The following ATAD1 variants were observed in gnomAD, a reference collection of about 807,000 sequenced individuals.
ATAD1 encodes the protein ATPase family AAA domain containing 1, also known as outer mitochondrial transmembrane helix translocase.
ATAD1 carries 18 observed loss-of-function variants against 42.7 expected under a neutral mutation model. The ratio of observed to expected loss-of-function variants is 0.42; its 90% CI spans 0.29 to 0.63. ATAD1 has a LOEUF of 0.63. Ranked by LOEUF, ATAD1 falls within the 20% of genes least tolerant of loss-of-function variation. The pLI is 0.19. For synonymous variants in ATAD1, 132 were observed against 143.1 expected (o/e 0.92, Z 0.55); for missense variants, 294 against 440.4 (o/e 0.67, Z 2.98).
At chr10:87,812,995 T>C (rs753950422) in intron 2 of ATAD1, among the ~76,000 whole-genome samples, 42 of 152,214 alleles carry the variant, frequency 2.8e-4, no homozygotes, top group Admixed American at 8.5e-4. Flanking sequence ...ATTTATATTA[T>C]CATGAACAAG....
At chr10:87,771,610 AT>A (rs563867725) in intron 6 of ATAD1, among the ~76,000 whole-genome samples, 32 of 152,326 alleles carry the variant, frequency 2.1e-4, no homozygotes, top group South Asian at 6.2e-4. Flanking sequence ...TCAATGCGAA[AT>A]AAAGTCTCAA....
upstream of ATAD1, among the ~76,000 whole-genome samples, chr10:87,821,790 A>C (rs1265032079): frequency 6.6e-6 from 1 of 152,250 alleles, no homozygotes; most frequent in East Asian, 1.9e-4. Context: ...CCCACCCTCC[A>C]GAACTGGGAG....
intron 8 of ATAD1, among the ~76,000 whole-genome samples, chr10:87,757,553 G>A (rs1854281229): frequency 6.6e-6 from 1 of 152,128 alleles, no homozygotes; most frequent in South Asian, 2.1e-4. Context: ...CACTTTGCAT[G>A]TATTATTCTC....
At chr10:87,757,948 A>T (rs558811425) in intron 8 of ATAD1, among the ~76,000 whole-genome samples, 1 of 152,224 alleles carries the variant, frequency 6.6e-6, no homozygotes, top group Non-Finnish European at 1.5e-5. Flanking sequence ...TTACATGAAG[A>T]TAAATCATGT....
intron 1 of ATAD1, among the ~76,000 whole-genome samples, chr10:87,833,656 A>ATT (rs34393674): frequency 7.2e-5 from 10 of 138,226 alleles, no homozygotes; most frequent in Admixed American, 3.5e-4. Context: ...TCTGCTGAGA[A>ATT]TTTTTTTTTT....
chr10:87,762,561 T>C (rs1262552813), intron 8 of ATAD1, among the ~76,000 whole-genome samples: 2 of 150,286 alleles, frequency 1.3e-5, no homozygotes, highest in African/African-American at 4.9e-5. Context: ...GCCTCCGGGG[T>C]TCAAGTGATT....
chr10:87,813,121 T>C (rs977858177), intron 2 of ATAD1, among the ~76,000 whole-genome samples: 1 of 152,202 alleles, frequency 6.6e-6, no homozygotes, highest in African/African-American at 2.4e-5. Context: ...GTACTTAGCA[T>C]CTATATTTAG....
At chr10:87,777,986 C>T (rs922500133) in intron 5 of ATAD1, among the ~76,000 whole-genome samples, 59 of 151,896 alleles carry the variant, frequency 3.9e-4, no homozygotes, top group African/African-American at 1.4e-3. Context: ...TTTAAAACTG[C>T]CTAATTTTTA....
At chr10:87,828,852 G>A (rs1288493058) in intron 1 of ATAD1, among the ~76,000 whole-genome samples, 1 of 152,142 alleles carries the variant, frequency 6.6e-6, no homozygotes, top group Admixed American at 6.5e-5. Context: ...TATCTACTCT[G>A]CCTGTGCTTT....
At chr10:87,818,134 T>C (rs1857516429) in intron 1 of ATAD1, 33 bp downstream of exon 1, 1 of 985,288 alleles carries the variant, frequency 1.0e-6, no homozygotes, top group African/African-American at 1.7e-5. Context: ...ACGACAACCA[T>C]CCCATGAGGC....
intron 8 of ATAD1, among the ~76,000 whole-genome samples, chr10:87,763,293 C>G (rs1854584137): frequency 6.6e-6 from 1 of 151,964 alleles, no homozygotes; most frequent in Non-Finnish European, 1.5e-5. Flanking sequence ...GATTCATAAC[C>G]ACTGATCCTA....
At chr10:87,792,623 T>TAAAAAATATTAAATATA in intron 3 of ATAD1, 34 bp downstream of exon 3, 2 of 806,070 alleles carry the variant, frequency 2.5e-6, no homozygotes, top group Non-Finnish European at 2.0e-6. Context: ...CCCCCACCTC[T>TAAAAAATATTAAATATA]AAAAAAATCT....
intron 2 of ATAD1, among the ~76,000 whole-genome samples, chr10:87,797,892 T>C (rs556141305): frequency 3.9e-5 from 6 of 152,286 alleles, no homozygotes; most frequent in Admixed American, 1.3e-4. Context: ...ACTGAACTGT[T>C]GTTTTTGCAG....
At chr10:87,781,555 AAAAAC>A (rs1855558904) in intron 5 of ATAD1, among the ~76,000 whole-genome samples, 1 of 152,248 alleles carries the variant, frequency 6.6e-6, no homozygotes, top group African/African-American at 2.4e-5. Context: ...TTAAAATGTA[AAAAAC>A]AAAACAGTAT....
intron 4 of ATAD1, among the ~76,000 whole-genome samples, 172 bp from the exon 5 acceptor site, chr10:87,784,842 AAGCTC>A (rs1479107621): frequency 6.6e-6 from 1 of 152,224 alleles, no homozygotes; most frequent in African/African-American, 2.4e-5. Flanking sequence ...GCCATGTTCT[AAGCTC>A]AGTGTCAGTT....
chr10:87,830,862 A>G (rs923023679), intron 1 of ATAD1, among the ~76,000 whole-genome samples: 3 of 152,178 alleles, frequency 2.0e-5, no homozygotes, highest in African/African-American at 7.2e-5. Flanking sequence ...AGTGCATAGA[A>G]ATGGCTAGGG....
chr10:87,814,088 A>G lies in ATAD1; in HGVS notation c.162+350T>C, dbSNP rs1857306454. ...ATTATCCACATTTCAGATGTCATACACAGCAAAAGGCATATCATTACTGAA... is the reference window on the plus strand; with the variant it reads ...ATTATCCACATTTCAGATGTCATACGCAGCAAAAGGCATATCATTACTGAA... On this transcript the variant is annotated intron_variant, in intron 2 of 9. Transcript: ENST00000680024. Among the ~76,000 whole-genome samples, 3 of 152,152 alleles carry G rather than the reference A, an allele frequency of 2.0e-5. No homozygotes were observed. In the South Asian group the frequency reaches 6.2e-4, roughly 32 times the overall value.
chr10:87,777,541 G>C (rs1292779041), intron 5 of ATAD1, among the ~76,000 whole-genome samples: 2 of 150,798 alleles, frequency 1.3e-5, no homozygotes, highest in Admixed American at 6.6e-5. Context: ...TTAAAAAAAG[G>C]GGAAAACAAT....
At chr10:87,808,500 A>C (rs1857032448) in intron 2 of ATAD1, among the ~76,000 whole-genome samples, 1 of 152,226 alleles carries the variant, frequency 6.6e-6, no homozygotes, top group Admixed American at 6.5e-5. Flanking sequence ...CAGTGAGCCA[A>C]AATCATGCCA....
Sources: gnomAD v4.1 joint callset for allele counts (sites outside exome capture counted in the v4.1 genomes callset) on GRCh38, gnomAD v4.1.1 for gene constraint, MANE v1.5 for transcripts, NCBI Gene and HGNC (gene_info 2026-07-23, HGNC 2026-07-21) for gene names.